AFAP1: variants seen among roughly 807,000 people sequenced by gnomAD.
The protein encoded by AFAP1 is actin filament associated protein 1.
AFAP1 carries 75 observed loss-of-function variants against 93.9 expected under a neutral mutation model. The observed-to-expected ratio is 0.80, with a 90% CI of 0.66 to 0.97. AFAP1 has a LOEUF of 0.97. Ranked by LOEUF, AFAP1 falls within the 50% of genes least tolerant of loss-of-function variation. The probability of loss-of-function intolerance (pLI) is 0.00; values close to 1 mark genes in which losing one functional copy is unlikely to be tolerated. For missense variants in AFAP1, 1,201 were observed against 1,050.8 expected, an observed-to-expected ratio of 1.14 and a Z score of -1.98; for synonymous variants, 517 against 430.7, an observed-to-expected ratio of 1.20 and a Z score of -2.48.
chr4:7,900,659 G>GA (rs1330179311), intron 1 of AFAP1, among the ~76,000 whole-genome samples: 2 of 152,216 alleles, frequency 1.3e-5, no homozygotes, highest in Non-Finnish European at 2.9e-5. Context: ...ATTGGCTTCT[G>GA]AAAGGGTACC....
intron 6 of AFAP1, among the ~76,000 whole-genome samples, 198 bp from the exon 7 acceptor site, chr4:7,819,369 G>A (rs1471545945): frequency 1.3e-5 from 2 of 152,174 alleles, no homozygotes; most frequent in East Asian, 1.9e-4. Context: ...GTCTATCAAC[G>A]CTGGTACTAA....
In AFAP1 at chr4:7,802,697, T is replaced by C. The variant is rs1719158642; in HGVS notation, c.1055-2044A>G. Among the ~76,000 whole-genome samples the C allele has an allele frequency of 2.7e-5, 4 of 149,362 alleles. No individual in the cohort carries two copies. In the South Asian group the frequency reaches 8.4e-4, roughly 31 times the overall value. On this transcript the variant is annotated intron_variant, in intron 9 of 17. Coordinates refer to ENST00000420658, the MANE Select transcript of AFAP1 (RefSeq NM_001134647.2). Reference sequence around the variant, plus strand: ...TGCTCTGTAGCCCAGGCTGGCAGGCTGGAGTGCAGTGGCGTGATCTCAGCT... The same window carrying C: ...TGCTCTGTAGCCCAGGCTGGCAGGCCGGAGTGCAGTGGCGTGATCTCAGCT...
rs894804306 is a variant in AFAP1 at position 7,861,669 on chromosome 4, C to T, written c.226-6095G>A. ...GCAGGCATCCAGATGGAAGGCGAGG[C>T]AGCCCACCAGGGGCGGAAACAGGAT... On this transcript the variant is annotated intron_variant, in intron 3 of 17. Coordinates refer to ENST00000420658, the MANE Select transcript of AFAP1 (RefSeq NM_001134647.2). 2.0e-5 allele frequency among the ~76,000 whole-genome samples: 3 copies of T among 152,238 alleles called. No individual in the cohort carries two copies. The East Asian group carries it at 5.8e-4, about 29-fold the overall frequency.
At chr4:7,862,239 A>G (rs1269814875) in intron 3 of AFAP1, 1 of 152,320 alleles carries the variant, frequency 6.6e-6, no homozygotes, top group African/African-American at 2.4e-5. Context: ...AGGCTGAGGT[A>G]AGAGGATCAC....
intron 10 of AFAP1, among the ~76,000 whole-genome samples, chr4:7,794,293 C>T (rs1052865136): frequency 1.3e-5 from 2 of 152,186 alleles, no homozygotes; most frequent in African/African-American, 4.8e-5. Flanking sequence ...AGCCCCCCTA[C>T]ATGGGCCTGA....
At chr4:7,931,888 T>A (rs1721089134) in intron 1 of AFAP1, among the ~76,000 whole-genome samples, 1 of 151,604 alleles carries the variant, frequency 6.6e-6, no homozygotes, top group African/African-American at 2.4e-5. Flanking sequence ...TGAGACGGAG[T>A]CTCACTTTGT....
intron 6 of AFAP1, among the ~76,000 whole-genome samples, chr4:7,830,151 G>T (rs536760917): frequency 6.6e-6 from 1 of 152,176 alleles, no homozygotes; most frequent in Non-Finnish European, 1.5e-5. Context: ...TCTATGGGGC[G>T]GGGCGAGGGG....
Position 7,793,784 on chromosome 4 carries a change from G to A in AFAP1, c.1309C>T (p.Leu437Phe), listed in dbSNP as rs546396107. The A allele has an allele frequency of 1.9e-6, 3 of 1,565,950 alleles. No individual in the cohort carries two copies. In the African/African-American group the frequency reaches 4.0e-5, roughly 21 times the overall value. The change falls in exon 11 of 18, where the codon CTC (leucine) becomes TTC (phenylalanine). Residue 437 changes from leucine (L) to phenylalanine (F), a missense_variant. By Grantham distance (22) the Leu-to-Phe change is conservative. Coordinates refer to ENST00000420658, the MANE Select transcript of AFAP1 (RefSeq NM_001134647.2). ...EDMGRWIGIL[L>F]AETGSSTDPE... is the part of the protein sequence containing the mutation. ...TCTGTGGACGATCCCGTCTCTGCGA[G>A]TAAAATCCCAATCCACCTGCCCATG...
chr4:7,874,356 CTTTT>C (rs869214535), intron 1 of AFAP1, among the ~76,000 whole-genome samples: 3 of 92,436 alleles, frequency 3.2e-5, no homozygotes, highest in African/African-American at 1.4e-4. Context: ...TTGCCTTTTT[CTTTT>C]TTTTTTTTTT....
chr4:7,907,144 A>C (rs1332121976), intron 1 of AFAP1, among the ~76,000 whole-genome samples: 2 of 152,238 alleles, frequency 1.3e-5, no homozygotes, highest in African/African-American at 4.8e-5. Context: ...CATTCAATAC[A>C]ACTTGTAACA....
intron 12 of AFAP1, among the ~76,000 whole-genome samples, chr4:7,785,328 G>C (rs963641602): frequency 6.6e-6 from 1 of 152,092 alleles, no homozygotes; most frequent in Non-Finnish European, 1.5e-5. Flanking sequence ...CAGCGTAACA[G>C]GGAAAGCTGT....
At position 7,889,543 on chromosome 4, in the gene AFAP1, A is replaced by C. The variant is rs1188736874; in HGVS notation, c.-2-17463T>G. On this transcript the variant is annotated intron_variant, in intron 1 of 17. Coordinates refer to ENST00000420658, the MANE Select transcript of AFAP1 (RefSeq NM_001134647.2). Reference sequence around the variant, plus strand: ...ACTCCAGCCTGGGCAACTCCATCCCAAAAAAAAAAAAAAAAGAAAAAAAAA... The same window carrying C: ...ACTCCAGCCTGGGCAACTCCATCCCCAAAAAAAAAAAAAAAGAAAAAAAAA... Among the ~76,000 whole-genome samples the C allele has an allele frequency of 3.4e-4, 36 of 105,742 alleles. No individual in the cohort carries two copies. In the East Asian group the frequency reaches 0.015, roughly 44 times the overall value. The allele number at this position is 105,742 out of a possible 152,430, so 69.4% of individuals were successfully genotyped here.
chr4:7,891,044 T>C (rs1718441664), intron 1 of AFAP1, among the ~76,000 whole-genome samples: 1 of 151,938 alleles, frequency 6.6e-6, no homozygotes, highest in African/African-American at 2.4e-5. Flanking sequence ...GATTGCAATA[T>C]GTTCACACAA....
intron 4 of AFAP1, among the ~76,000 whole-genome samples, chr4:7,854,560 G>A (rs1714829075): frequency 6.6e-6 from 1 of 152,222 alleles, no homozygotes; most frequent in Non-Finnish European, 1.5e-5. Flanking sequence ...GAAATGCAAA[G>A]TCTCTATGTG....
rs531189066 is a variant in AFAP1 at position 7,809,110 on chromosome 4, G to A, written c.1054+504C>T. On this transcript the variant is annotated intron_variant, in intron 9 of 17. Transcript: ENST00000420658. ...GTTTTAGGGTACATGTGCACAATGCGCAGGTTAGTTACATATGTATACATG... is the reference window on the plus strand; with the variant it reads ...GTTTTAGGGTACATGTGCACAATGCACAGGTTAGTTACATATGTATACATG... Among the ~76,000 whole-genome samples, 26 of 151,540 alleles carry A rather than the reference G, an allele frequency of 1.7e-4. No homozygotes were observed. The South Asian group carries it at 4.0e-3, about 23-fold the overall frequency.
At chr4:7,928,600 C>A (rs1178707663) in intron 1 of AFAP1, among the ~76,000 whole-genome samples, 1 of 152,210 alleles carries the variant, frequency 6.6e-6, no homozygotes, top group African/African-American at 2.4e-5. Context: ...ATTGGCCAGG[C>A]TGGTCTCAAA....
At position 7,768,864 on chromosome 4, in the gene AFAP1, G is replaced by A; in HGVS notation, c.2398C>T (p.His800Tyr). ...AAPGSSPCRGHVLRKAKEWEL... is the reference protein window; with the variant it reads ...AAPGSSPCRGYVLRKAKEWEL... ...CTTACCTTGGCCTTCCGCAGCACAT[G>A]CCCTCGGCAGGGGGAGCTGCCCGGG... The change falls in exon 17 of 18, where the codon CAT (histidine) becomes TAT (tyrosine). Residue 800 changes from histidine to tyrosine, a missense_variant. Physicochemically the swap from His to Tyr is moderately conservative, Grantham distance 83. Coordinates refer to ENST00000420658, the MANE Select transcript of AFAP1 (RefSeq NM_001134647.2). 6.2e-7 allele frequency: 1 copy of A among 1,605,282 alleles called. No homozygotes were observed. The highest frequency in any genetic ancestry group is 8.5e-7 in the Non-Finnish European group (1 of 1,173,638).
chr4:7,771,014 C>T (rs967023481), intron 16 of AFAP1, among the ~76,000 whole-genome samples: 3 of 152,248 alleles, frequency 2.0e-5, no homozygotes, highest in African/African-American at 7.2e-5. Context: ...CTGGGGTTGT[C>T]CAAGGCACCT....
chr4:7,764,833 G>A (rs959681179), intron 17 of AFAP1, among the ~76,000 whole-genome samples: 10 of 152,202 alleles, frequency 6.6e-5, no homozygotes, highest in African/African-American at 2.4e-4. Context: ...GTAGGTGCAG[G>A]GCTCATGCCT....
Sources: allele counts gnomAD v4.1 joint callset (sites outside exome capture counted in the v4.1 genomes callset), GRCh38; gene constraint gnomAD v4.1.1; transcripts MANE v1.5; gene names NCBI Gene and HGNC (gene_info 2026-07-23, HGNC 2026-07-21).